Variants in UBR4 observed in about 807,000 individuals in gnomAD.
The protein encoded by UBR4 is E3 ubiquitin-protein ligase UBR4.
In UBR4, 124 loss-of-function variants were observed where a neutral mutation model predicts 575.6. The ratio of observed to expected loss-of-function variants is 0.22; its 90% CI spans 0.19 to 0.25. The LOEUF is 0.25. Among genes scored for constraint, UBR4 ranks in the 10% least tolerant of loss-of-function variants. UBR4 has a pLI of 1.00. For missense variants in UBR4, 4,818 were observed against 6,478.8 expected (o/e 0.74, Z 8.80); for synonymous variants, 2,455 against 2,473.7 (o/e 0.99, Z 0.22).
chr1:19,090,950 G>T (rs2077447183), intron 97 of UBR4, among the ~76,000 whole-genome samples: 1 of 152,084 alleles, frequency 6.6e-6, no homozygotes, highest in South Asian at 2.1e-4. Flanking sequence ...CAAAAAATTG[G>T]CCAGGTGTGG....
At chr1:19,135,473 T>C (rs2083097236) in intron 60 of UBR4, among the ~76,000 whole-genome samples, 1 of 152,228 alleles carries the variant, frequency 6.6e-6, no homozygotes, top group Non-Finnish European at 1.5e-5. Flanking sequence ...TCTATATCAA[T>C]TTGAAGACAA....
rs139392446 is a variant in UBR4 at position 19,150,752 on chromosome 1, C to A, written c.7255G>T (p.Ala2419Ser). 77 of 1,614,094 alleles carry A rather than the reference C, an allele frequency of 4.8e-5. No homozygotes were observed. The African/African-American group carries it at 9.9e-4, about 21-fold the overall frequency. The change falls in exon 49 of 106, where the codon GCT becomes TCT. Residue 2419 changes from alanine (A) to serine (S), a missense_variant. Transcript: ENST00000375254. ...TTAGTCTTGCCATAAATTTTTACAG[C>A]ATCTATCATGGTGACACCTGCTGGA... The part of the protein sequence containing the change: ...VDPAGVTMID[A>S]VKIYGKTKEQ...
chr1:19,083,460 A>G (rs1216807196), intron 102 of UBR4, among the ~76,000 whole-genome samples: 1 of 152,228 alleles, frequency 6.6e-6, no homozygotes, highest in Non-Finnish European at 1.5e-5. Flanking sequence ...GGGAACCGTA[A>G]GCCTCTTGCT....
chr1:19,143,126 GAAAAA>G, intron 55 of UBR4, among the ~76,000 whole-genome samples: 1 of 114,476 alleles, frequency 8.7e-6, no homozygotes, highest in South Asian at 2.7e-4. Flanking sequence ...AAAGAGAAAA[GAAAAA>G]AAGAAAAGAA....
chr1:19,076,680 G>A (rs1357465875), intron 105 of UBR4, 60 bp downstream of exon 105: 8 of 1,609,372 alleles, frequency 5.0e-6, no homozygotes, highest in African/African-American at 1.3e-5. Flanking sequence ...GATGACCCAC[G>A]GAGGAAGACA....
chr1:19,114,754 C>G, intron 75 of UBR4, 57 bp downstream of exon 75: 4 of 1,603,130 alleles, frequency 2.5e-6, no homozygotes, highest in Non-Finnish European at 3.4e-6. Context: ...TGCACCAGGT[C>G]TGCCCAAAGT....
intron 13 of UBR4, 32 bp downstream of exon 13, chr1:19,187,130 CTT>C (rs1378276318): frequency 6.5e-7 from 1 of 1,546,374 alleles, no homozygotes; most frequent in South Asian, 1.2e-5. Flanking sequence ...ATGAGACATT[CTT>C]CTAAATTATC....
chr1:19,207,198 C>T (rs902955615), intron 1 of UBR4, among the ~76,000 whole-genome samples: 12 of 152,244 alleles, frequency 7.9e-5, no homozygotes, highest in Non-Finnish European at 1.6e-4. Context: ...GCAGCCTAGA[C>T]ATCTCAACCT....
intron 98 of UBR4, 43 bp from the exon 99 acceptor site, chr1:19,087,972 A>T: frequency 2.7e-6 from 4 of 1,457,596 alleles, no homozygotes; most frequent in Non-Finnish European, 3.8e-6. Context: ...ATTTCCACAC[A>T]CCCTCTCCCA....
At chr1:19,155,187 C>T in intron 43 of UBR4, 112 bp from the exon 44 acceptor site, 7 of 1,387,888 alleles carry the variant, frequency 5.0e-6, no homozygotes, top group Non-Finnish European at 7.0e-6. Context: ...ATACTCTAAG[C>T]ATGAGATCCC....
At position 19,152,962 on chromosome 1, in the gene UBR4, T is replaced by C. The variant is rs2150316111; in HGVS notation, c.6832+339A>G. On this transcript the variant is annotated intron_variant, in intron 46 of 105. Coordinates refer to ENST00000375254, the MANE Select transcript of UBR4 (RefSeq NM_020765.3). This position sits in a 1 kb window ranked among gnomAD's most constrained non-coding sequence, Gnocchi z 4.4. ...ACCAGCTCAGAGACCTGTGGTGGGC[T>C]CTTCACTACTCAGTGGGAAATTAAC... Among the ~76,000 whole-genome samples, 1 of 152,326 alleles carries C rather than the reference T, an allele frequency of 6.6e-6. No individual in the cohort carries two copies. The highest frequency in any genetic ancestry group is 1.9e-4 in the East Asian group (1 of 5,186).
chr1:19,153,998 C>A lies in UBR4; in HGVS notation c.6459-59G>T. On this transcript the variant is annotated intron_variant, in intron 44 of 105. Coordinates refer to ENST00000375254, the MANE Select transcript of UBR4 (RefSeq NM_020765.3). The surrounding 1 kb of genome is among the most constrained non-coding windows in gnomAD (Gnocchi z 4.1). ...TCAGTCACCATTTAATAGTTCTTTT[C>A]TTGACCTAAAAACCATCCTCTAACT... The A allele has an allele frequency of 6.4e-7, 1 of 1,572,742 alleles. No homozygotes were observed. The highest frequency in any genetic ancestry group is 8.6e-7 in the Non-Finnish European group (1 of 1,157,496).
chr1:19,170,828 C>T lies in UBR4; in HGVS notation c.3577G>A (p.Glu1193Lys). The T allele has an allele frequency of 6.2e-7, 1 of 1,614,170 alleles. No individual in the cohort carries two copies. The highest frequency in any genetic ancestry group is 8.5e-7 in the Non-Finnish European group (1 of 1,180,030). ...EEGTTEKPSK[E>K]KLQGFAAVLA... Reference sequence around the variant, plus strand: ...ACAGCAGCAAAGCCTTGCAGTTTCTCCTTGGAAGGTTTCTCAGTTGTTCCC... The same window carrying T: ...ACAGCAGCAAAGCCTTGCAGTTTCTTCTTGGAAGGTTTCTCAGTTGTTCCC... Residue 1193 changes from glutamate (E) to lysine (K), a missense_variant, in exon 26 of 106, where the codon GAG becomes AAG. By Grantham distance (56) the Glu-to-Lys change is moderately conservative (BLOSUM62 1). Around this residue, in one of 29 missense-constraint regions of UBR4, gnomAD observed 1,172 missense variants for 1,259.7 expected, o/e 0.93. Transcript: ENST00000375254.
chr1:19,081,398 G>A lies in UBR4; in HGVS notation c.15184C>T (p.Leu5062=). The A allele has an allele frequency of 6.2e-7, 1 of 1,613,586 alleles. No individual in the cohort carries two copies. The highest frequency in any genetic ancestry group is 8.5e-7 in the Non-Finnish European group (1 of 1,179,702). ...RATRVEILRR[L]LVTSQARAVA... is the part of the protein sequence containing the mutation. Reference sequence around the variant, plus strand: ...GCCCGAGCCTGCGAGGTCACCAACAGCCTCCGCAAGATTTCCACACGTGTG... The same window carrying A: ...GCCCGAGCCTGCGAGGTCACCAACAACCTCCGCAAGATTTCCACACGTGTG... Residue 5062 remains leucine (L), a synonymous_variant, in exon 103 of 106, where the codon CTG becomes TTG. Coordinates refer to ENST00000375254, the MANE Select transcript of UBR4 (RefSeq NM_020765.3).
At chr1:19,138,261 A>G in intron 59 of UBR4, 80 bp from the exon 60 acceptor site, 1 of 1,382,338 alleles carries the variant, frequency 7.2e-7, no homozygotes, top group Non-Finnish European at 9.5e-7. Context: ...CAGCAGCAAT[A>G]GTTAAGACAG....
chr1:19,198,515 G>T, intron 5 of UBR4, 26 bp downstream of exon 5: 1 of 1,604,140 alleles, frequency 6.2e-7, no homozygotes, highest in Non-Finnish European at 8.5e-7. Context: ...CCACAGAGAA[G>T]AAGACATTTG....
In UBR4 at chr1:19,185,199, G is replaced by T. The variant is rs377298895; in HGVS notation, c.1838C>A (p.Pro613Gln). Reference sequence around the variant, plus strand: ...AGGAGAGCTTTCCAGTGGAGGAGGTGGGGGAGGAGGCGGAGGTGCTGCTTT... The same window carrying T: ...AGGAGAGCTTTCCAGTGGAGGAGGTTGGGGAGGAGGCGGAGGTGCTGCTTT... The part of the protein sequence containing the change: ...KEKAAPPPPP[P>Q]PPPLESSPRV... The change falls in exon 15 of 106, where the codon CCA becomes CAA. Residue 613 changes from proline to glutamine, a missense_variant. By Grantham distance (76) the Pro-to-Gln change is moderately conservative. This residue lies in a region of UBR4 where 1,172 missense variants were observed against 1,259.7 expected (regional missense o/e 0.93). Transcript: ENST00000375254. 6 of 1,613,956 alleles carry T rather than the reference G, an allele frequency of 3.7e-6. No individual in the cohort carries two copies. In the African/African-American group the frequency reaches 6.7e-5, roughly 18 times the overall value.
intron 1 of UBR4, among the ~76,000 whole-genome samples, chr1:19,207,261 T>C (rs1262277983): frequency 6.6e-6 from 1 of 152,248 alleles, no homozygotes; most frequent in Non-Finnish European, 1.5e-5. Context: ...TTGGCTTTCA[T>C]CTGGTACTAT....
chr1:19,178,625 G>A (rs12136947), intron 18 of UBR4, among the ~76,000 whole-genome samples: 12,963 of 152,250 alleles, frequency 0.085, 657 homozygotes, highest in Non-Finnish European at 0.12. Flanking sequence ...TCCATCTAAA[G>A]TGGATTTAGA....
Sources: gnomAD v4.1 joint callset for allele counts (sites outside exome capture counted in the v4.1 genomes callset) on GRCh38, gnomAD v4.1.1 for gene constraint, gnomAD v4.1.1 regional missense constraint, Gnocchi (gnomAD v3.1) non-coding constraint, MANE v1.5 for transcripts, NCBI Gene and HGNC (gene_info 2026-07-23, HGNC 2026-07-21) for gene names.